ACAN: variants seen among roughly 807,000 people sequenced by gnomAD.
ACAN encodes the protein aggrecan core protein.
In ACAN, 47 loss-of-function variants were observed where a neutral mutation model predicts 169.1. That is an observed-to-expected ratio of 0.28 (90% CI 0.22 to 0.35). ACAN has a LOEUF of 0.35. Ranked by LOEUF, ACAN falls within the 10% of genes least tolerant of loss-of-function variation. The probability of loss-of-function intolerance (pLI) is 1.00; values close to 1 mark genes in which losing one functional copy is unlikely to be tolerated. For synonymous variants in ACAN, 1,115 were observed against 1,112.2 expected, an observed-to-expected ratio of 1.00 and a Z score of -0.05; for missense variants, 2,716 against 2,759.9, an observed-to-expected ratio of 0.98 and a Z score of 0.36.
At chr15:88,836,496 G>T (rs2141557221) in intron 2 of ACAN, among the ~76,000 whole-genome samples, 1 of 152,328 alleles carries the variant, frequency 6.6e-6, no homozygotes. Context: ...AGATAACACT[G>T]CTCCTGACTG....
chr15:88,872,953 T>A lies in ACAN; in HGVS notation c.7375T>A (p.Trp2459Arg). 6 of 1,613,910 alleles carry A rather than the reference T, an allele frequency of 3.7e-6. No individual in the cohort carries two copies. The highest frequency in any genetic ancestry group is 5.1e-6 in the Non-Finnish European group (6 of 1,179,922). The change falls in exon 17 of 19, where the codon TGG (tryptophan) becomes AGG (arginine). Residue 2459 changes from tryptophan to arginine, a missense_variant. This residue lies in a region of ACAN where 1,389 missense variants were observed against 1,363.7 expected (regional missense o/e 1.02). Coordinates refer to ENST00000560601, the MANE Select transcript of ACAN (RefSeq NM_001369268.1). This position sits in a 1 kb window ranked among gnomAD's most constrained non-coding sequence, Gnocchi z 5.4. ...TGGAGAGGACTGTGTGGTGATGATC[T>A]GGCACGAGAAGGGCGAGTGGAATGA... ...AAGEDCVVMI[W>R]HEKGEWNDVP...
Position 88,857,120 on chromosome 15 carries a change from G to C in ACAN, c.4535G>C (p.Gly1512Ala). The change falls in exon 12 of 19, where the codon GGA becomes GCA. Residue 1512 changes from glycine (G) to alanine (A), a missense_variant. Physicochemically the swap from Gly to Ala is moderately conservative, Grantham distance 60 (BLOSUM62 0). Around this residue, in one of 3 missense-constraint regions of ACAN, gnomAD observed 1,389 missense variants for 1,363.7 expected, o/e 1.02. Coordinates refer to ENST00000560601, the MANE Select transcript of ACAN (RefSeq NM_001369268.1). ...GIEDVSELPSGEGLETSASGV... is the reference protein window; with the variant it reads ...GIEDVSELPSAEGLETSASGV... ...GAGGATGTCAGTGAACTTCCTTCAG[G>C]AGAAGGTCTAGAGACCTCTGCTTCT... 6.2e-7 allele frequency: 1 copy of C among 1,606,972 alleles called. No individual in the cohort carries two copies. The highest frequency in any genetic ancestry group is 1.1e-5 in the South Asian group (1 of 90,258).
intron 1 of ACAN, among the ~76,000 whole-genome samples, chr15:88,831,812 CA>C: frequency 6.6e-6 from 1 of 152,218 alleles, no homozygotes; most frequent in South Asian, 2.1e-4. Context: ...TCTGTGGCTC[CA>C]GGGGGTAAAG....
At chr15:88,816,061 C>T (rs558217042) in intron 1 of ACAN, among the ~76,000 whole-genome samples, 1 of 152,282 alleles carries the variant, frequency 6.6e-6, no homozygotes, top group South Asian at 2.1e-4. Flanking sequence ...ATCTCTGCCT[C>T]GGCTGTCACT....
Position 88,843,433 on chromosome 15 carries a change from G to A in ACAN, c.836G>A (p.Arg279Gln), listed in dbSNP as rs184913582. 714 of 1,608,102 alleles carry A rather than the reference G, an allele frequency of 4.4e-4. No individual in the cohort carries two copies. The highest frequency in any genetic ancestry group is 5.7e-4 in the Non-Finnish European group (670 of 1,176,018). ...AANECRRLGA[R>Q]LATTGQLYLA... ...AATGAGTGCCGGCGGCTGGGTGCCCGGCTGGCCACCACGGGCCAGCTCTAC... is the reference window on the plus strand; with the variant it reads ...AATGAGTGCCGGCGGCTGGGTGCCCAGCTGGCCACCACGGGCCAGCTCTAC... The change falls in exon 6 of 19, where the codon CGG becomes CAG. Residue 279 changes from arginine to glutamine, a missense_variant. By Grantham distance (43) the Arg-to-Gln change is conservative. Transcript: ENST00000560601. The surrounding 1 kb of genome is among the most constrained non-coding windows in gnomAD (Gnocchi z 4.0).
Position 88,838,148 on chromosome 15 carries a change from C to T in ACAN, c.71-515C>T, listed in dbSNP as rs775886953. ...CAAACAGCAGAAGAGAGTGACTTGT[C>T]CCGGTGGCAAAATCAGGCTCGCACC... On this transcript the variant is annotated intron_variant, in intron 2 of 18. Transcript: ENST00000560601. The surrounding 1 kb of genome is among the most constrained non-coding windows in gnomAD (Gnocchi z 5.1). Among the ~76,000 whole-genome samples the T allele has an allele frequency of 6.6e-6, 1 of 152,132 alleles. No individual in the cohort carries two copies. The highest frequency in any genetic ancestry group is 1.5e-5 in the Non-Finnish European group (1 of 68,028).
In ACAN at chr15:88,814,864, C is replaced by T. The variant is rs918448225; in HGVS notation, c.-8+11055C>T. ...GGCTGGGGGCTGCCTCTGGCCCTAC[C>T]GAACTCTGCCTCCATCCCCTGTCCT... On this transcript the variant is annotated intron_variant, in intron 1 of 18. Coordinates refer to ENST00000560601, the MANE Select transcript of ACAN (RefSeq NM_001369268.1). This position sits in a 1 kb window ranked among gnomAD's most constrained non-coding sequence, Gnocchi z 4.0. 6.6e-5 allele frequency among the ~76,000 whole-genome samples: 10 copies of T among 152,098 alleles called. No individual in the cohort carries two copies. The highest frequency in any genetic ancestry group is 6.2e-4 in the South Asian group (3 of 4,822).
At chr15:88,819,289 A>G (rs1036393037) in intron 1 of ACAN, among the ~76,000 whole-genome samples, 1 of 152,020 alleles carries the variant, frequency 6.6e-6, no homozygotes, top group African/African-American at 2.4e-5. Context: ...TGTTAGAGGG[A>G]GGTCTTTGAG....
intron 13 of ACAN, among the ~76,000 whole-genome samples, chr15:88,862,253 T>C (rs1363683471): frequency 6.6e-6 from 1 of 152,182 alleles, no homozygotes; most frequent in Non-Finnish European, 1.5e-5. Context: ...TCGATGGTAA[T>C]GGTTCTCAGC....
rs1467182615 is a variant in ACAN, at chr15:88,868,235, A to G, written c.6966A>G (p.Ser2322=). The G allele has an allele frequency of 1.3e-5, 9 of 702,744 alleles. 1 individual carries two copies. Among genetic ancestry groups the G allele is most frequent in the South Asian group, 5.9e-5 (4 of 67,582 alleles). 43.5% of individuals were successfully genotyped at this position (702,744 alleles called of 1,614,324 possible). A position where few individuals can be genotyped will look rare whatever the true frequency, so the allele number is the denominator to read the frequency against. Residue 2322 remains serine, a synonymous_variant, in exon 14 of 19, where the codon TCA becomes TCG. Transcript: ENST00000560601. The surrounding 1 kb of genome is among the most constrained non-coding windows in gnomAD (Gnocchi z 5.2). ...TTGCAGACATTGATGAGTGCCTCTC[A>G]AGCCCTTGTCTGAATGGAGCCACCT... ...HCNIDIDECL[S]SPCLNGATCV... is the part of the protein sequence containing the mutation.
In ACAN at chr15:88,851,363, G is replaced by GA; in HGVS notation, c.2027-431_2027-430insA. 1.2e-5 allele frequency: 2 copies of GA among 160,872 alleles called. No homozygotes were observed. The highest frequency in any genetic ancestry group is 1.4e-5 in the Non-Finnish European group (1 of 73,496). 10.0% of individuals were successfully genotyped at this position (160,872 alleles called of 1,614,324 possible). A position where few individuals can be genotyped will look rare whatever the true frequency, so the allele number is the denominator to read the frequency against. Reference sequence around the variant, plus strand: ...GTTGTTCAGTAGTTGAGAGCGTGGAGTCTGGTACCAGATGCTTAAATTCAA... The same window carrying GA: ...GTTGTTCAGTAGTTGAGAGCGTGGAGATCTGGTACCAGATGCTTAAATTCAA... On this transcript the variant is annotated intron_variant, in intron 10 of 18. Coordinates refer to ENST00000560601, the MANE Select transcript of ACAN (RefSeq NM_001369268.1). The surrounding 1 kb of genome is among the most constrained non-coding windows in gnomAD (Gnocchi z 4.3).
At position 88,873,344 on chromosome 15, in the gene ACAN, G is replaced by A. The variant is rs1002137788; in HGVS notation, c.7447+319G>A. 1.3e-5 allele frequency among the ~76,000 whole-genome samples: 2 copies of A among 152,196 alleles called. No individual in the cohort carries two copies. Among genetic ancestry groups the A allele is most frequent in the Non-Finnish European group, 2.9e-5 (2 of 68,028 alleles). ...ATAGCAGCAGCAGAGTTACCCACAA[G>A]GGCCCCCAGATGGGGAGCCTCCCTG... On this transcript the variant is annotated intron_variant, in intron 17 of 18. Transcript: ENST00000560601. The surrounding 1 kb of genome is among the most constrained non-coding windows in gnomAD (Gnocchi z 7.5).
chr15:88,859,313 A>G lies in ACAN; in HGVS notation c.6728A>G (p.Tyr2243Cys), dbSNP rs1223077467. ...HLEIESSSLL[Y>C]SGEETHTVET... ...GAAATTGAGTCCTCAAGCCTCCTGTACTCAGGAGAAGAGACTCACACAGTC... is the reference window on the plus strand; with the variant it reads ...GAAATTGAGTCCTCAAGCCTCCTGTGCTCAGGAGAAGAGACTCACACAGTC... Residue 2243 changes from tyrosine to cysteine, a missense_variant, in exon 12 of 19, where the codon TAC becomes TGC. Tyr to Cys is a radical substitution (Grantham distance 194). Around this residue, in one of 3 missense-constraint regions of ACAN, gnomAD observed 1,389 missense variants for 1,363.7 expected, o/e 1.02. Transcript: ENST00000560601. The G allele has an allele frequency of 1.9e-6, 3 of 1,610,870 alleles. No individual in the cohort carries two copies. Among genetic ancestry groups the G allele is most frequent in the Non-Finnish European group, 2.5e-6 (3 of 1,178,490 alleles).
rs1265848271 is a variant in ACAN, at chr15:88,839,603, T to A, written c.455-409T>A. On this transcript the variant is annotated intron_variant, in intron 3 of 18. Coordinates refer to ENST00000560601, the MANE Select transcript of ACAN (RefSeq NM_001369268.1). The surrounding 1 kb of genome is among the most constrained non-coding windows in gnomAD (Gnocchi z 4.5). ...AGTGGGAGACTCTGTCAAAGACAGT[T>A]CACTCCTGGGCACACCTTAAATGAG... 6.6e-6 allele frequency among the ~76,000 whole-genome samples: 1 copy of A among 152,204 alleles called. No individual in the cohort carries two copies.
intron 1 of ACAN, among the ~76,000 whole-genome samples, chr15:88,830,565 GATACACAAATACTTGCCTTTGTGT>G (rs543356170): frequency 8.5e-5 from 13 of 152,052 alleles, no homozygotes; most frequent in Admixed American, 1.3e-4. Flanking sequence ...GATAGGTTTA[GATACACAAATACTTGCCTTTGTGT>G]ATACACAAAT....
chr15:88,835,396 GAC>G (rs1255602599), intron 1 of ACAN, among the ~76,000 whole-genome samples: 3 of 151,660 alleles, frequency 2.0e-5, no homozygotes, highest in East Asian at 1.9e-4. Context: ...TACGCACACA[GAC>G]ACACACATAC....
rs1388025946 is a variant in ACAN, at chr15:88,869,532, G to A, written c.7060+1203G>A. On this transcript the variant is annotated intron_variant, in intron 14 of 18. Transcript: ENST00000560601. The surrounding 1 kb of genome is among the most constrained non-coding windows in gnomAD (Gnocchi z 4.2). ...GGTATATGGGGTCTTGGCTGGGGTG[G>A]AAGCAGAGACTACAAGGATTTTCTC... is the stretch of plus-strand genomic sequence containing the variant. 6.6e-6 allele frequency among the ~76,000 whole-genome samples: 1 copy of A among 152,208 alleles called. No individual in the cohort carries two copies. The highest frequency in any genetic ancestry group is 6.5e-5 in the Admixed American group (1 of 15,290).
chr15:88,813,122 C>T (rs1316947950), intron 1 of ACAN, among the ~76,000 whole-genome samples: 1 of 152,240 alleles, frequency 6.6e-6, no homozygotes, highest in African/African-American at 2.4e-5. Flanking sequence ...GTCTTGGTCA[C>T]TCTGTGTCTC....
intron 1 of ACAN, among the ~76,000 whole-genome samples, chr15:88,820,545 C>T (rs1247557022): frequency 5.9e-5 from 9 of 152,172 alleles, no homozygotes; most frequent in Admixed American, 6.5e-5. Flanking sequence ...GGACCTGCTC[C>T]TTTCTCCCTG....
Sources: gnomAD v4.1 joint callset for allele counts (sites outside exome capture counted in the v4.1 genomes callset) on GRCh38, gnomAD v4.1.1 for gene constraint, gnomAD v4.1.1 regional missense constraint, Gnocchi (gnomAD v3.1) non-coding constraint, MANE v1.5 for transcripts, NCBI Gene and HGNC (gene_info 2026-07-23, HGNC 2026-07-21) for gene names.